CMSS1: variants seen among roughly 807,000 people sequenced by gnomAD.
CMSS1 encodes protein CMSS1.
CMSS1 carries 33 observed loss-of-function variants against 43.5 expected under a neutral mutation model. The ratio of observed to expected loss-of-function variants is 0.76; its 90% CI spans 0.57 to 1.01. The LOEUF (loss-of-function observed/expected upper bound fraction) is 1.01, where lower values mean the gene tolerates loss of function less well. CMSS1 is among the 50% of genes least tolerant of loss of function. The pLI is 0.00. For synonymous variants in CMSS1, 115 were observed against 117.2 expected, an observed-to-expected ratio of 0.98 and a Z score of 0.12; for missense variants, 313 against 326.4, an observed-to-expected ratio of 0.96 and a Z score of 0.32.
chr3:100,178,041 C>T (rs143678910), intron 9 of CMSS1, among the ~76,000 whole-genome samples: 21 of 152,262 alleles, frequency 1.4e-4, no homozygotes, highest in South Asian at 8.3e-4. Context: ...ATCACTTGAA[C>T]CTGGGAAGCA....
chr3:99,875,554 G>T (rs1384080210), intron 1 of CMSS1, among the ~76,000 whole-genome samples: 1 of 152,106 alleles, frequency 6.6e-6, no homozygotes, highest in Non-Finnish European at 1.5e-5. Flanking sequence ...AGCTTAAAAA[G>T]ATTTTACTTT....
intron 1 of CMSS1, among the ~76,000 whole-genome samples, chr3:99,843,349 A>G (rs1020102491): frequency 1.3e-5 from 2 of 152,202 alleles, no homozygotes; most frequent in African/African-American, 4.8e-5. Context: ...CTTCCCACCC[A>G]ATAAAATGGA....
intron 1 of CMSS1, among the ~76,000 whole-genome samples, chr3:99,878,122 G>A (rs1240294397): frequency 6.6e-6 from 1 of 152,148 alleles, no homozygotes; most frequent in African/African-American, 2.4e-5. Flanking sequence ...TACACTACTT[G>A]CCTGGTTACA....
chr3:99,968,609 T>A (rs1341004874), intron 1 of CMSS1, among the ~76,000 whole-genome samples: 2 of 151,846 alleles, frequency 1.3e-5, no homozygotes, highest in African/African-American at 4.8e-5. Context: ...GGAGAATATA[T>A]AGAATGAACA....
intron 1 of CMSS1, among the ~76,000 whole-genome samples, chr3:99,873,615 T>A (rs1331604284): frequency 1.3e-5 from 2 of 152,166 alleles, no homozygotes; most frequent in Non-Finnish European, 2.9e-5. Context: ...CCTCCTACAT[T>A]TTCAGTTTTT....
chr3:99,935,542 T>C (rs751502947), intron 1 of CMSS1, among the ~76,000 whole-genome samples: 5 of 152,166 alleles, frequency 3.3e-5, no homozygotes, highest in Admixed American at 6.5e-5. Flanking sequence ...ATGAGAATAC[T>C]GGGATAGGTT....
At chr3:99,822,300 T>C (rs1942453558) in intron 1 of CMSS1, among the ~76,000 whole-genome samples, 1 of 152,218 alleles carries the variant, frequency 6.6e-6, no homozygotes, top group African/African-American at 2.4e-5. Context: ...TGAGCCTCCA[T>C]GTCTTTTAAG....
intron 1 of CMSS1, among the ~76,000 whole-genome samples, chr3:99,821,403 C>A (rs1942436627): frequency 6.6e-6 from 1 of 152,158 alleles, no homozygotes; most frequent in South Asian, 2.1e-4. Context: ...CTAGTCACTC[C>A]ATTGGTGGCA....
chr3:100,151,181 C>G (rs1415467751), intron 2 of CMSS1, among the ~76,000 whole-genome samples: 1 of 152,308 alleles, frequency 6.6e-6, no homozygotes, highest in African/African-American at 2.4e-5. Context: ...GAGCTGTGTC[C>G]TATTCATTCT....
chr3:100,036,790 CTT>C, intron 1 of CMSS1, among the ~76,000 whole-genome samples: 1 of 152,004 alleles, frequency 6.6e-6, no homozygotes, highest in Non-Finnish European at 1.5e-5. Flanking sequence ...GGTAGTGACA[CTT>C]TAACCAAGTG....
intron 1 of CMSS1, among the ~76,000 whole-genome samples, chr3:99,861,173 ATTG>A (rs775862299): frequency 4.0e-5 from 6 of 151,504 alleles, no homozygotes; most frequent in Non-Finnish European, 8.8e-5. Context: ...TTCCATTTTG[ATTG>A]TTAATACACC....
chr3:100,154,139 C>T (rs943717623), intron 2 of CMSS1, among the ~76,000 whole-genome samples: 3 of 152,148 alleles, frequency 2.0e-5, no homozygotes, highest in Non-Finnish European at 4.4e-5. Context: ...TGTGAGCCAC[C>T]CCAGCCTGGG....
At chr3:100,160,976 T>A (rs962957404) in intron 3 of CMSS1, among the ~76,000 whole-genome samples, 1 of 152,172 alleles carries the variant, frequency 6.6e-6, no homozygotes, top group Non-Finnish European at 1.5e-5. Context: ...AACCATAAAT[T>A]AGGTCAAAAA....
chr3:99,840,288 A>T lies in CMSS1; in HGVS notation c.64+22245A>T, dbSNP rs187365032. On this transcript the variant is annotated intron_variant, in intron 1 of 9. Coordinates refer to ENST00000421999, the MANE Select transcript of CMSS1 (RefSeq NM_032359.4). ...GCCCAGGCTGGAGTGCAGTGGCGTGATCTCAGATCACTGCAACCTCTGCCT... is the reference window on the plus strand; with the variant it reads ...GCCCAGGCTGGAGTGCAGTGGCGTGTTCTCAGATCACTGCAACCTCTGCCT... Among the ~76,000 whole-genome samples, 67 of 126,088 alleles carry T rather than the reference A, an allele frequency of 5.3e-4. 1 individual carries two copies. The highest frequency in any genetic ancestry group is 2.0e-3 in the African/African-American group (64 of 31,802). The allele number at this position is 126,088 out of a possible 152,430, so 82.7% of individuals were successfully genotyped here.
chr3:99,826,796 G>A (rs1420741853), intron 1 of CMSS1, among the ~76,000 whole-genome samples: 1 of 152,166 alleles, frequency 6.6e-6, no homozygotes, highest in East Asian at 1.9e-4. Context: ...CAGAAACCTT[G>A]AAGGTAAATA....
intron 1 of CMSS1, among the ~76,000 whole-genome samples, chr3:99,823,518 C>G (rs1231305693): frequency 6.6e-6 from 1 of 152,126 alleles, no homozygotes. Context: ...TTGTCACTAC[C>G]TCGAAAACAT....
At chr3:100,060,167 T>G (rs2065537038) in intron 1 of CMSS1, among the ~76,000 whole-genome samples, 1 of 152,044 alleles carries the variant, frequency 6.6e-6, no homozygotes, top group African/African-American at 2.4e-5. Context: ...GGTGCCAGAC[T>G]GAAGAGGTTG....
chr3:99,874,742 G>T (rs1473324356), intron 1 of CMSS1, among the ~76,000 whole-genome samples: 1 of 152,132 alleles, frequency 6.6e-6, no homozygotes, highest in Non-Finnish European at 1.5e-5. Flanking sequence ...CCCACATTTT[G>T]AGTATTTTTT....
At chr3:100,085,469 A>G (rs2065992772) in intron 1 of CMSS1, among the ~76,000 whole-genome samples, 1 of 152,150 alleles carries the variant, frequency 6.6e-6, no homozygotes, top group Non-Finnish European at 1.5e-5. Flanking sequence ...TAATTTCTCA[A>G]AACCATACAT....
Sources: gnomAD v4.1 joint callset for allele counts (sites outside exome capture counted in the v4.1 genomes callset) on GRCh38, gnomAD v4.1.1 for gene constraint, MANE v1.5 for transcripts, NCBI Gene and HGNC (gene_info 2026-07-23, HGNC 2026-07-21) for gene names.